The following EDA variants were observed in gnomAD, a reference collection of about 807,000 sequenced individuals.
EDA encodes ectodysplasin-A.
A neutral mutation model predicts 23.6 loss-of-function variants in EDA; 2 were observed. The ratio of observed to expected loss-of-function variants is 0.08; its 90% CI spans 0.03 to 0.27. EDA has a LOEUF of 0.27. Ranked by LOEUF, EDA falls within the 10% of genes least tolerant of loss-of-function variation. EDA has a pLI of 1.00. For synonymous variants in EDA, 131 were observed against 132.0 expected (o/e 0.99, Z 0.05); for missense variants, 229 against 324.2 (o/e 0.71, Z 2.26).
At chrX:69,726,474 C>T (rs1307176680) in intron 1 of EDA, among the ~76,000 whole-genome samples, 1 of 112,290 alleles carries the variant, frequency 8.9e-6, no homozygotes, top group East Asian at 2.8e-4. Flanking sequence ...CCTTCACCAC[C>T]TGCCAAAAGC....
intron 1 of EDA, among the ~76,000 whole-genome samples, chrX:69,782,385 A>C (rs757550259): frequency 8.8e-4 from 91 of 103,541 alleles, no homozygotes; most frequent in African/African-American, 3.0e-3. Context: ...AAAAAAAAAA[A>C]AAAAAAACAT....
At chrX:69,704,297 C>G (rs2011624279) in intron 1 of EDA, among the ~76,000 whole-genome samples, 1 of 111,694 alleles carries the variant, frequency 9.0e-6, no homozygotes, top group Non-Finnish European at 1.9e-5. Flanking sequence ...ATCTAAAGAC[C>G]TGGAATCAAT....
intron 1 of EDA, among the ~76,000 whole-genome samples, chrX:69,773,664 A>G (rs1370471832): frequency 3.6e-5 from 4 of 110,885 alleles, no homozygotes; most frequent in Non-Finnish European, 7.6e-5. Flanking sequence ...ATTTGCATTC[A>G]CCTAATGATT....
Position 69,836,237 on chromosome X carries a change from G to C in EDA, c.397-120790G>C, listed in dbSNP as rs193188660. Among the ~76,000 whole-genome samples, 32 of 112,448 alleles carry C rather than the reference G, an allele frequency of 2.8e-4. No individual in the cohort carries two copies. The East Asian group carries it at 4.5e-3, about 16-fold the overall frequency. On this transcript the variant is annotated intron_variant, in intron 1 of 7. Coordinates refer to ENST00000374552, the MANE Select transcript of EDA (RefSeq NM_001399.5). ...GTCTGTCCATTCTCAGAGCTCAAACGTCGTGCTGAGAGAACCACTGCTCTC... is the reference window on the plus strand; with the variant it reads ...GTCTGTCCATTCTCAGAGCTCAAACCTCGTGCTGAGAGAACCACTGCTCTC...
At chrX:70,035,221 G>A (rs928295598) in intron 7 of EDA, 137 bp from the exon 8 acceptor site, 11 of 704,904 alleles carry the variant, frequency 1.6e-5, no homozygotes, top group East Asian at 3.5e-5. Flanking sequence ...CAGCTAGCAC[G>A]CCTTCACATG....
At chrX:70,003,134 A>G (rs1372442153) in intron 2 of EDA, among the ~76,000 whole-genome samples, 5 of 111,951 alleles carry the variant, frequency 4.5e-5, no homozygotes, top group Non-Finnish European at 9.4e-5. Context: ...GTCCATACCT[A>G]TATTTGGCAG....
At chrX:69,785,554 G>A (rs1271446456) in intron 1 of EDA, among the ~76,000 whole-genome samples, 2 of 110,766 alleles carry the variant, frequency 1.8e-5, no homozygotes, top group Non-Finnish European at 3.8e-5. Context: ...AAATAATCAT[G>A]TGGTTTTTGT....
intron 1 of EDA, among the ~76,000 whole-genome samples, chrX:69,903,328 G>A (rs997980644): frequency 4.5e-4 from 50 of 110,974 alleles, no homozygotes; most frequent in African/African-American, 1.6e-3. Flanking sequence ...ATTAATAAAA[G>A]GAGAGCTGGA....
intron 2 of EDA, among the ~76,000 whole-genome samples, chrX:70,006,773 G>A (rs1468858501): frequency 9.0e-6 from 1 of 111,277 alleles, no homozygotes; most frequent in East Asian, 2.8e-4. Flanking sequence ...TAATTTTAAT[G>A]AAGTTCAACT....
chrX:69,656,925 G>A (rs1466726965), intron 1 of EDA, among the ~76,000 whole-genome samples: 1 of 112,068 alleles, frequency 8.9e-6, no homozygotes, highest in Non-Finnish European at 1.9e-5. Context: ...TTGAGTCCAT[G>A]TCTTAGCTAT....
intron 1 of EDA, among the ~76,000 whole-genome samples, chrX:69,900,395 A>G (rs1004327560): frequency 7.4e-5 from 8 of 107,773 alleles, no homozygotes; most frequent in African/African-American, 2.3e-4. Flanking sequence ...TAGTCATAAC[A>G]GCCATGTGTG....
At position 69,689,300 on chromosome X, in the gene EDA, G is replaced by GA. The variant is rs1934635907; in HGVS notation, c.396+72596_396+72597insA. On this transcript the variant is annotated intron_variant, in intron 1 of 7. Transcript: ENST00000374552. ...AGTTACATATGTATACATGTGCCAT[G>GA]CTTTTTTTTTTTTGAGACGGAGTCT... Among the ~76,000 whole-genome samples the GA allele has an allele frequency of 3.3e-4, 4 of 12,227 alleles. No homozygotes were observed. The Admixed American group carries it at 6.5e-3, about 20-fold the overall frequency. The allele number at this position is 12,227 out of a possible 115,157, so 10.6% of individuals were successfully genotyped here.
intron 1 of EDA, among the ~76,000 whole-genome samples, chrX:69,737,788 A>C (rs1438019818): frequency 1.8e-5 from 2 of 110,346 alleles, no homozygotes; most frequent in African/African-American, 6.8e-5. Context: ...TGTTTGCCTG[A>C]AAAGGTCTTT....
At chrX:69,809,513 C>G (rs2015893369) in intron 1 of EDA, among the ~76,000 whole-genome samples, 1 of 111,402 alleles carries the variant, frequency 9.0e-6, no homozygotes, top group Non-Finnish European at 1.9e-5. Context: ...CAGAGCCAAA[C>G]CATATCACTT....
chrX:69,743,711 C>A (rs1009431578), intron 1 of EDA, among the ~76,000 whole-genome samples: 1 of 111,755 alleles, frequency 8.9e-6, no homozygotes, highest in African/African-American at 3.2e-5. Context: ...TGTTAACTGC[C>A]CACATGAACT....
intron 1 of EDA, among the ~76,000 whole-genome samples, chrX:69,651,775 A>G (rs768600463): frequency 4.5e-5 from 5 of 110,789 alleles, no homozygotes; most frequent in African/African-American, 1.6e-4. Context: ...CAAAAATATA[A>G]AGTCTTTGAA....
At chrX:69,773,059 G>A (rs187357656) in intron 1 of EDA, among the ~76,000 whole-genome samples, 167 of 111,604 alleles carry the variant, frequency 1.5e-3, no homozygotes, top group African/African-American at 5.1e-3. Context: ...ACATTAAGCC[G>A]TCATTTCACA....
intron 1 of EDA, among the ~76,000 whole-genome samples, chrX:69,879,332 G>C (rs1436188448): frequency 1.8e-5 from 2 of 111,940 alleles, no homozygotes; most frequent in Admixed American, 9.5e-5. Context: ...CCTTGTTGCT[G>C]TTCTTTTTGG....
chrX:69,827,123 G>T (rs1556013382), intron 1 of EDA, among the ~76,000 whole-genome samples: 1 of 111,581 alleles, frequency 9.0e-6, no homozygotes. Context: ...CTCTCTGGCT[G>T]CCCTTAACAT....
Sources: gnomAD v4.1 joint callset for allele counts (sites outside exome capture counted in the v4.1 genomes callset) on GRCh38, gnomAD v4.1.1 for gene constraint, MANE v1.5 for transcripts, NCBI Gene and HGNC (gene_info 2026-07-23, HGNC 2026-07-21) for gene names.